The following FOXN3 variants were observed in gnomAD, a reference collection of about 807,000 sequenced individuals.
The protein encoded by FOXN3 is forkhead box protein N3.
Under a neutral mutation model 38.4 loss-of-function variants are expected in FOXN3, and 7 were observed. The ratio of observed to expected loss-of-function variants is 0.18; its 90% CI spans 0.10 to 0.34. The LOEUF (loss-of-function observed/expected upper bound fraction) is 0.34. Among genes scored for constraint, FOXN3 ranks in the 10% least tolerant of loss-of-function variants. FOXN3 has a pLI of 1.00. For synonymous variants in FOXN3, 230 were observed against 242.2 expected (o/e 0.95, Z 0.47); for missense variants, 456 against 613.4 (o/e 0.74, Z 2.71).
chr14:89,465,093 GTGA>G (rs1892946753), intron 1 of FOXN3, among the ~76,000 whole-genome samples: 1 of 152,188 alleles, frequency 6.6e-6, no homozygotes, highest in Admixed American at 6.5e-5. Context: ...CAGCCGCCAC[GTGA>G]AGAAGGATGT....
chr14:89,201,055 G>C (rs531410626), intron 4 of FOXN3, among the ~76,000 whole-genome samples: 7 of 152,320 alleles, frequency 4.6e-5, no homozygotes, highest in African/African-American at 1.7e-4. Context: ...TTTTGATTTG[G>C]TTCTGTTTGG....
intron 1 of FOXN3, among the ~76,000 whole-genome samples, chr14:89,570,279 G>A (rs958120722): frequency 2.0e-5 from 3 of 152,130 alleles, no homozygotes; most frequent in Non-Finnish European, 2.9e-5. Flanking sequence ...GATTACAGGC[G>A]TGAACCACCG....
chr14:89,378,074 C>T (rs1214559946), intron 2 of FOXN3, among the ~76,000 whole-genome samples: 3 of 152,310 alleles, frequency 2.0e-5, no homozygotes, highest in South Asian at 2.1e-4. Context: ...ATTAAGCCAA[C>T]CAGGCTGTGG....
At chr14:89,384,336 G>A (rs1890737548) in intron 2 of FOXN3, among the ~76,000 whole-genome samples, 1 of 148,362 alleles carries the variant, frequency 6.7e-6, no homozygotes, top group South Asian at 2.1e-4. Flanking sequence ...AACTAAGCCT[G>A]TGAAATGCTG....
intron 2 of FOXN3, among the ~76,000 whole-genome samples, chr14:89,365,605 C>T (rs1329723974): frequency 6.6e-6 from 1 of 152,172 alleles, no homozygotes; most frequent in Admixed American, 6.5e-5. Flanking sequence ...GGGCCTTTAG[C>T]AAATAAGGGT....
chr14:89,568,126 T>C (rs1325875464), intron 1 of FOXN3, among the ~76,000 whole-genome samples: 3 of 152,040 alleles, frequency 2.0e-5, no homozygotes, highest in African/African-American at 7.2e-5. Context: ...ATCTTAGTAA[T>C]TGTCACCTCC....
At chr14:89,586,069 T>TA (rs1895835879) in intron 1 of FOXN3, among the ~76,000 whole-genome samples, 1 of 152,150 alleles carries the variant, frequency 6.6e-6, no homozygotes, top group African/African-American at 2.4e-5. Flanking sequence ...ATAATCTTCC[T>TA]ATATTCTATA....
At position 89,157,674 on chromosome 14, in the gene FOXN3, T is replaced by C. The variant is rs1887011646; in HGVS notation, c.*4740A>G. On this transcript the variant is annotated 3_prime_UTR_variant, in exon 6 of 6. Transcript: ENST00000557258. ...TGCAATATAAACCAAGTCCAGAGTTTGGCAGGTAACTAAAAGAGGGTTATC... is the reference window on the plus strand; with the variant it reads ...TGCAATATAAACCAAGTCCAGAGTTCGGCAGGTAACTAAAAGAGGGTTATC... 6.5e-6 allele frequency: 1 copy of C among 152,672 alleles called. No homozygotes were observed. The allele number at this position is 152,672 out of a possible 1,614,324, so 9.5% of individuals were successfully genotyped here.
Position 89,450,616 on chromosome 14 carries a change from C to T in FOXN3, c.-14-38126G>A, listed in dbSNP as rs577481321. Among the ~76,000 whole-genome samples, 69 of 151,178 alleles carry T rather than the reference C, an allele frequency of 4.6e-4. 1 individual carries two copies. The South Asian group carries it at 0.01, about 22-fold the overall frequency. Reference sequence around the variant, plus strand: ...TTTTTTTTTTTTTTAGACAGAGTCTCGCCCTGTCGCCCAGGCTGGAGTGCA... The same window carrying T: ...TTTTTTTTTTTTTTAGACAGAGTCTTGCCCTGTCGCCCAGGCTGGAGTGCA... On this transcript the variant is annotated intron_variant, in intron 1 of 6. Transcript: ENST00000345097.
chr14:89,587,732 T>C (rs557668279), intron 1 of FOXN3, among the ~76,000 whole-genome samples: 25 of 152,078 alleles, frequency 1.6e-4, no homozygotes, highest in African/African-American at 6.0e-4. Context: ...CCAGGTGTGG[T>C]GGCATGTGCC....
At chr14:89,479,797 G>C (rs1035898472) in intron 1 of FOXN3, among the ~76,000 whole-genome samples, 33 of 152,182 alleles carry the variant, frequency 2.2e-4, no homozygotes, top group African/African-American at 7.7e-4. Context: ...AGCTCTCTCT[G>C]ATACATATAT....
chr14:89,535,034 T>A (rs1479890034), intron 1 of FOXN3, among the ~76,000 whole-genome samples: 2 of 152,206 alleles, frequency 1.3e-5, no homozygotes, highest in African/African-American at 4.8e-5. Context: ...TTAATATTCC[T>A]TCCCATTAAG....
At chr14:89,515,613 G>A (rs1894184259) in intron 1 of FOXN3, among the ~76,000 whole-genome samples, 1 of 152,122 alleles carries the variant, frequency 6.6e-6, no homozygotes, top group Admixed American at 6.5e-5. Flanking sequence ...GCAGGCACCT[G>A]TAATCCCAGC....
chr14:89,175,511 A>G (rs3825674), intron 5 of FOXN3, among the ~76,000 whole-genome samples: 82,508 of 151,978 alleles, frequency 0.54, 22,467 homozygotes, highest in South Asian at 0.59. Context: ...GAGGCTTTCC[A>G]TGTTACTTAT....
In FOXN3 at chr14:89,546,329, C is replaced by CTTTCTTTT. The variant is rs1555359724; in HGVS notation, c.-15+72698_-15+72699insAAAAGAAA. ...TAGCTTCTTTTCTTTTTTCCTTTTT[C>CTTTCTTTT]TTTTTTTTTTTTTTTTTTTGAGATG... is the stretch of plus-strand genomic sequence containing the variant. On this transcript the variant is annotated intron_variant, in intron 1 of 6. Transcript: ENST00000345097. Among the ~76,000 whole-genome samples the CTTTCTTTT allele has an allele frequency of 1.4e-3, 110 of 78,342 alleles. 9 individuals carry two copies. Among genetic ancestry groups the CTTTCTTTT allele is most frequent in the African/African-American group, 5.6e-3 (105 of 18,596 alleles). The allele number at this position is 78,342 out of a possible 152,430, so 51.4% of individuals were successfully genotyped here.
chr14:89,369,234 T>C (rs953399890), intron 2 of FOXN3, among the ~76,000 whole-genome samples: 2 of 152,184 alleles, frequency 1.3e-5, no homozygotes, highest in Admixed American at 1.3e-4. Context: ...AAGAAATTTT[T>C]AACTCACTCA....
intron 1 of FOXN3, among the ~76,000 whole-genome samples, chr14:89,527,074 G>T (rs1003229611): frequency 6.6e-6 from 1 of 151,690 alleles, no homozygotes; most frequent in Admixed American, 6.6e-5. Flanking sequence ...GGAAGGGGAA[G>T]GGAGGAGAGG....
chr14:89,511,042 C>T (rs565119427), intron 1 of FOXN3, among the ~76,000 whole-genome samples: 19 of 152,162 alleles, frequency 1.2e-4, no homozygotes, highest in African/African-American at 4.3e-4. Context: ...CCAATGCAGG[C>T]GTTCATGAGT....
chr14:89,405,084 A>G (rs897172404), intron 2 of FOXN3, among the ~76,000 whole-genome samples: 2 of 152,120 alleles, frequency 1.3e-5, no homozygotes, highest in East Asian at 1.9e-4. Flanking sequence ...ACTAGAAGCA[A>G]CTGCTCACGT....
Sources: gnomAD v4.1 joint callset for allele counts (sites outside exome capture counted in the v4.1 genomes callset) on GRCh38, gnomAD v4.1.1 for gene constraint, MANE v1.5 for transcripts, NCBI Gene and HGNC (gene_info 2026-07-23, HGNC 2026-07-21) for gene names.